The following CHLSN variants were observed in gnomAD, a reference collection of about 807,000 sequenced individuals.
CHLSN encodes the protein protein cholesin.
At chr7:1,011,536 C>T in the CHLSN span, among the ~76,000 whole-genome samples, 1 of 150,772 alleles carries the variant, frequency 6.6e-6, no homozygotes, top group East Asian at 2.0e-4. Flanking sequence ...CACCTGCAGA[C>T]ACCCACAAAC....
the CHLSN span, chr7:1,093,803 T>C: frequency 2.5e-6 from 1 of 405,630 alleles, no homozygotes; most frequent in Non-Finnish European, 5.2e-6. Context: ...AAACCTGTCA[T>C]GTGCGGATCC....
chr7:1,058,447 T>C, the CHLSN span: 2 of 780,624 alleles, frequency 2.6e-6, no homozygotes, highest in Non-Finnish European at 2.4e-6. Flanking sequence ...CAACGGCTGA[T>C]GAAAAAGCTG....
chr7:1,013,615 C>A, the CHLSN span, among the ~76,000 whole-genome samples: 1 of 152,230 alleles, frequency 6.6e-6, no homozygotes, highest in Non-Finnish European at 1.5e-5. Flanking sequence ...CGGCTTTGAG[C>A]CGACGCTGTC....
At chr7:1,068,159 G>A in the CHLSN span, among the ~76,000 whole-genome samples, 2 of 152,182 alleles carry the variant, frequency 1.3e-5, no homozygotes, top group Admixed American at 6.5e-5. Context: ...AGACACGGAT[G>A]CTTTGTCCTC....
chr7:1,116,377 C>G, the CHLSN span, among the ~76,000 whole-genome samples: 1 of 144,022 alleles, frequency 6.9e-6, no homozygotes, highest in Non-Finnish European at 1.5e-5. Flanking sequence ...GGGACAGCTT[C>G]CATCACCGAC....
chr7:1,086,899 A>G, the CHLSN span: 5,843 of 152,408 alleles, frequency 0.038, 145 homozygotes, highest in Non-Finnish European at 0.058. Flanking sequence ...TAGAAGTAGG[A>G]GTGAGATTCG....
chr7:1,119,315 G>A, the CHLSN span, among the ~76,000 whole-genome samples: 1 of 149,690 alleles, frequency 6.7e-6, no homozygotes, highest in East Asian at 2.0e-4. Flanking sequence ...CCAGACACAG[G>A]GGCTCACACC....
the CHLSN span, among the ~76,000 whole-genome samples, chr7:1,062,403 T>C: frequency 3.3e-5 from 5 of 152,340 alleles, no homozygotes; most frequent in Non-Finnish European, 7.3e-5. Context: ...TACTTTCGGT[T>C]ACCCCTCTGT....
the CHLSN span, among the ~76,000 whole-genome samples, chr7:1,095,730 G>A: frequency 6.6e-6 from 1 of 152,250 alleles, no homozygotes; most frequent in East Asian, 1.9e-4. Context: ...ACTGCTCGAA[G>A]CCTTAAATGG....
the CHLSN span, among the ~76,000 whole-genome samples, chr7:1,060,463 T>C: frequency 6.6e-6 from 1 of 152,158 alleles, no homozygotes; most frequent in African/African-American, 2.4e-5. Context: ...GCTGGAATTC[T>C]GAGTATGCCC....
the CHLSN span, among the ~76,000 whole-genome samples, chr7:1,032,767 A>C: frequency 6.6e-6 from 1 of 152,232 alleles, no homozygotes; most frequent in African/African-American, 2.4e-5. Flanking sequence ...AAACCACCCA[A>C]TCAGCAGGTC....
the CHLSN span, among the ~76,000 whole-genome samples, chr7:1,083,077 G>A: frequency 6.6e-6 from 1 of 152,190 alleles, no homozygotes; most frequent in East Asian, 1.9e-4. Flanking sequence ...CCCAAGGGCA[G>A]AGCTCAGCCA....
At chr7:1,075,512 A>T in the CHLSN span, among the ~76,000 whole-genome samples, 3 of 151,350 alleles carry the variant, frequency 2.0e-5, no homozygotes, top group African/African-American at 7.3e-5. Flanking sequence ...TGACACAGCT[A>T]GATTCTGTCT....
chr7:1,019,800 G>C, the CHLSN span, among the ~76,000 whole-genome samples: 1 of 152,214 alleles, frequency 6.6e-6, no homozygotes, highest in Admixed American at 6.5e-5. Flanking sequence ...GATGGAGTGT[G>C]GGGGGCTGGG....
the CHLSN span, among the ~76,000 whole-genome samples, chr7:1,100,923 G>A: frequency 6.6e-6 from 1 of 152,226 alleles, no homozygotes; most frequent in South Asian, 2.1e-4. Context: ...CACAGACGCA[G>A]GCACAGAGCC....
At chr7:1,036,391 G>C in the CHLSN span, among the ~76,000 whole-genome samples, 1 of 151,162 alleles carries the variant, frequency 6.6e-6, no homozygotes, top group Non-Finnish European at 1.5e-5. Context: ...TCGGGTGCTC[G>C]TGCTGTGGCC....
the CHLSN span, among the ~76,000 whole-genome samples, chr7:1,084,049 G>A: frequency 5.3e-5 from 8 of 152,262 alleles, no homozygotes; most frequent in Admixed American, 4.6e-4. Flanking sequence ...GTCTGTCTGA[G>A]GGGAGGTCAC....
At chr7:1,057,786 C>T in the CHLSN span, 7 of 776,004 alleles carry the variant, frequency 9.0e-6, no homozygotes, top group Middle Eastern at 2.3e-4. Context: ...CCCGAGCTCC[C>T]GGTGGGCGCT....
the CHLSN span, among the ~76,000 whole-genome samples, chr7:980,833 G>A: frequency 2.0e-3 from 302 of 151,926 alleles, 1 homozygote; most frequent in Non-Finnish European, 2.3e-3. Context: ...GACTACAGGC[G>A]CCCGCTATCA....
Sources: gnomAD v4.1 joint callset for allele counts (sites outside exome capture counted in the v4.1 genomes callset) on GRCh38, gnomAD v4.1.1 for gene constraint, MANE v1.5 for transcripts, NCBI Gene and HGNC (gene_info 2026-07-23, HGNC 2026-07-21) for gene names.